The following LPP variants were observed in gnomAD, a reference collection of about 807,000 sequenced individuals.
LPP encodes the protein LIM domain containing preferred translocation partner in lipoma.
A neutral mutation model predicts 60.4 loss-of-function variants in LPP; 38 were observed. The observed-to-expected ratio is 0.63, with a 90% CI of 0.49 to 0.83. LPP has a LOEUF of 0.83. LPP is among the 40% of genes least tolerant of loss of function. The pLI, the probability that LPP is intolerant of heterozygous loss-of-function variation, is 0.00. For synonymous variants in LPP, 328 were observed against 290.8 expected (o/e 1.13, Z -1.30); for missense variants, 902 against 783.6 (o/e 1.15, Z -1.80).
At position 188,874,894 on chromosome 3, in the gene LPP, T is replaced by C. The variant is rs1205152854; in HGVS notation, c.*415T>C. The C allele has an allele frequency of 8.4e-6, 2 of 237,016 alleles. No homozygotes were observed. Among genetic ancestry groups the C allele is most frequent in the Non-Finnish European group, 1.7e-5 (2 of 119,646 alleles). 14.7% of individuals were successfully genotyped at this position (237,016 alleles called of 1,614,324 possible). ...TTTTAGGCTTGAAATCTCCATCCTA[T>C]CATTTCCGTTTTGCCTGTGACTGTA... On this transcript the variant is annotated 3_prime_UTR_variant, in exon 12 of 12. Transcript: ENST00000617246.
At chr3:188,209,649 G>T (rs1358312321) in intron 1 of LPP, among the ~76,000 whole-genome samples, 2 of 152,238 alleles carry the variant, frequency 1.3e-5, no homozygotes, top group African/African-American at 2.4e-5. Context: ...GAGAACAGGA[G>T]TGGGGATCTT....
At chr3:188,578,694 T>A (rs1835348687) in intron 6 of LPP, among the ~76,000 whole-genome samples, 1 of 152,078 alleles carries the variant, frequency 6.6e-6, no homozygotes. Flanking sequence ...TAGCTGAGAC[T>A]TCTGTTCTAC....
chr3:188,588,215 G>A (rs774106720), intron 6 of LPP, among the ~76,000 whole-genome samples: 7 of 152,180 alleles, frequency 4.6e-5, no homozygotes, highest in Non-Finnish European at 8.8e-5. Context: ...AAGACAAAAT[G>A]TCACCCTCAG....
At chr3:188,680,469 A>G (rs1576999460) in intron 7 of LPP, among the ~76,000 whole-genome samples, 1 of 152,230 alleles carries the variant, frequency 6.6e-6, no homozygotes, top group East Asian at 1.9e-4. Context: ...TAAGAAGGGT[A>G]TTTGAAATAA....
At chr3:188,829,537 C>T (rs1252372929) in intron 9 of LPP, among the ~76,000 whole-genome samples, 1 of 152,168 alleles carries the variant, frequency 6.6e-6, no homozygotes, top group East Asian at 1.9e-4. Flanking sequence ...TACATCTTTT[C>T]ATTTGATACT....
At chr3:188,178,435 G>A (rs76598787) in intron 1 of LPP, 9,468 of 152,200 alleles carry the variant, frequency 0.062, 391 homozygotes, top group South Asian at 0.14. Flanking sequence ...CTGACTGTTC[G>A]CTTTTGCAAG....
intron 3 of LPP, among the ~76,000 whole-genome samples, chr3:188,391,184 G>A (rs937086077): frequency 6.6e-6 from 1 of 152,212 alleles, no homozygotes; most frequent in South Asian, 2.1e-4. Flanking sequence ...TTAGAAAACA[G>A]GGCTGGTGAG....
At chr3:188,870,580 G>A (rs953868169) in intron 10 of LPP, among the ~76,000 whole-genome samples, 9 of 152,158 alleles carry the variant, frequency 5.9e-5, no homozygotes, top group African/African-American at 1.9e-4. Context: ...AGAAAATTAC[G>A]TCAAGTGTGT....
chr3:188,427,930 T>G (rs2149112114), intron 4 of LPP, among the ~76,000 whole-genome samples: 1 of 152,052 alleles, frequency 6.6e-6, no homozygotes, highest in South Asian at 2.1e-4. Flanking sequence ...CGGTTCTGTC[T>G]CCCTGGCATT....
At chr3:188,315,598 C>T (rs1287505720) in intron 2 of LPP, among the ~76,000 whole-genome samples, 2 of 152,048 alleles carry the variant, frequency 1.3e-5, no homozygotes, top group Non-Finnish European at 2.9e-5. Flanking sequence ...AGTTATTTGA[C>T]TATGCACAGG....
intron 8 of LPP, among the ~76,000 whole-genome samples, chr3:188,747,766 G>T (rs1470521324): frequency 6.6e-6 from 1 of 152,168 alleles, no homozygotes; most frequent in Admixed American, 6.5e-5. Flanking sequence ...TCACTTCAGC[G>T]CTCAGACAGC....
intron 6 of LPP, among the ~76,000 whole-genome samples, chr3:188,555,652 A>C (rs1199680844): frequency 6.6e-6 from 1 of 152,070 alleles, no homozygotes; most frequent in African/African-American, 2.4e-5. Flanking sequence ...ATTTAGTGAG[A>C]TTTCTGGAGA....
At chr3:188,521,281 GA>G (rs1818788251) in intron 5 of LPP, among the ~76,000 whole-genome samples, 1 of 152,162 alleles carries the variant, frequency 6.6e-6, no homozygotes, top group Non-Finnish European at 1.5e-5. Context: ...TTGAGAAACT[GA>G]AAATAGGGAG....
chr3:188,373,699 C>T (rs1001127185), intron 3 of LPP, among the ~76,000 whole-genome samples: 1 of 152,082 alleles, frequency 6.6e-6, no homozygotes, highest in Non-Finnish European at 1.5e-5. Context: ...TGTGCAGAAG[C>T]TCTTTAGTTT....
intron 9 of LPP, among the ~76,000 whole-genome samples, chr3:188,837,360 C>T (rs1218470622): frequency 6.8e-6 from 1 of 146,830 alleles, no homozygotes; most frequent in Non-Finnish European, 1.5e-5. Context: ...TCCTGGGTGA[C>T]AGAATGAGAC....
chr3:188,631,563 C>G (rs962472647), intron 7 of LPP, among the ~76,000 whole-genome samples: 2 of 152,134 alleles, frequency 1.3e-5, no homozygotes, highest in Non-Finnish European at 2.9e-5. Context: ...AGTAGTACTC[C>G]ACATGTATAC....
intron 4 of LPP, among the ~76,000 whole-genome samples, chr3:188,471,118 T>A (rs1381771683): frequency 6.6e-6 from 1 of 152,182 alleles, no homozygotes; most frequent in African/African-American, 2.4e-5. Flanking sequence ...ATAAAATCAA[T>A]TGACCATATA....
intron 8 of LPP, among the ~76,000 whole-genome samples, chr3:188,736,733 T>C (rs1722653402): frequency 6.6e-6 from 1 of 151,972 alleles, no homozygotes; most frequent in South Asian, 2.1e-4. Context: ...GATAGATAGA[T>C]AGATACATAG....
At chr3:188,810,903 T>G (rs1750737876) in intron 9 of LPP, among the ~76,000 whole-genome samples, 1 of 152,118 alleles carries the variant, frequency 6.6e-6, no homozygotes, top group African/African-American at 2.4e-5. Context: ...AATACCATAA[T>G]TTTTTTGTTC....
Sources: gnomAD v4.1 joint callset for allele counts (sites outside exome capture counted in the v4.1 genomes callset) on GRCh38, gnomAD v4.1.1 for gene constraint, MANE v1.5 for transcripts, NCBI Gene and HGNC (gene_info 2026-07-23, HGNC 2026-07-21) for gene names.